Variants in GALNTL6 observed in about 807,000 individuals in gnomAD.
GALNTL6 encodes polypeptide N-acetylgalactosaminyltransferase-like 6.
GALNTL6 carries 46 observed loss-of-function variants against 73.7 expected under a neutral mutation model. That is an observed-to-expected ratio of 0.62 (90% confidence interval 0.49 to 0.80). The LOEUF (loss-of-function observed/expected upper bound fraction) is 0.80. Among genes scored for constraint, GALNTL6 ranks in the 30% least tolerant of loss-of-function variants. The probability of loss-of-function intolerance (pLI) is 0.00; values close to 1 mark genes in which losing one functional copy is unlikely to be tolerated. For missense variants in GALNTL6, 604 were observed against 755.0 expected (o/e 0.80, Z 2.34); for synonymous variants, 259 against 263.7 (o/e 0.98, Z 0.17).
intron 10 of GALNTL6, among the ~76,000 whole-genome samples, chr4:172,965,070 A>G (rs151055865): frequency 2.6e-5 from 4 of 152,360 alleles, no homozygotes; most frequent in African/African-American, 7.2e-5. Flanking sequence ...GAGATGATTT[A>G]TCATTCAGAC....
intron 2 of GALNTL6, among the ~76,000 whole-genome samples, chr4:171,836,836 G>A (rs928555738): frequency 6.6e-6 from 1 of 152,072 alleles, no homozygotes; most frequent in Non-Finnish European, 1.5e-5. Flanking sequence ...TGAAGGAAAA[G>A]GAAGCTAAGT....
At chr4:172,330,465 G>A (rs1400742025) in intron 4 of GALNTL6, among the ~76,000 whole-genome samples, 3 of 152,164 alleles carry the variant, frequency 2.0e-5, no homozygotes, top group Admixed American at 6.5e-5. Context: ...TTTGCTTTCC[G>A]TGGGTTGAAT....
chr4:172,492,434 A>T (rs1026221314), intron 5 of GALNTL6, among the ~76,000 whole-genome samples: 12 of 152,154 alleles, frequency 7.9e-5, no homozygotes, highest in African/African-American at 2.4e-4. Context: ...AAGCAGTCTG[A>T]ATCCTGACAT....
intron 2 of GALNTL6, among the ~76,000 whole-genome samples, chr4:171,980,119 T>C (rs79818656): frequency 0.038 from 5,794 of 152,028 alleles, 313 homozygotes; most frequent in African/African-American, 0.11. Flanking sequence ...ATAATAATAA[T>C]AGCATTGAGG....
At chr4:171,857,950 C>G (rs1578916240) in intron 2 of GALNTL6, among the ~76,000 whole-genome samples, 2 of 152,154 alleles carry the variant, frequency 1.3e-5, no homozygotes, top group Admixed American at 1.3e-4. Context: ...ATGTTTTAAC[C>G]TGCTCAATAA....
At chr4:172,369,017 C>T (rs1334151835) in intron 5 of GALNTL6, among the ~76,000 whole-genome samples, 1 of 152,184 alleles carries the variant, frequency 6.6e-6, no homozygotes, top group Non-Finnish European at 1.5e-5. Flanking sequence ...AAAGCTTCCA[C>T]AGTGTGGAAG....
chr4:172,866,011 G>A (rs1744644542), intron 7 of GALNTL6, among the ~76,000 whole-genome samples: 1 of 152,056 alleles, frequency 6.6e-6, no homozygotes, highest in Non-Finnish European at 1.5e-5. Context: ...GACTTCTTGT[G>A]ATCCTATGTG....
At chr4:171,896,371 T>C (rs1736918164) in intron 2 of GALNTL6, among the ~76,000 whole-genome samples, 1 of 152,340 alleles carries the variant, frequency 6.6e-6, no homozygotes, top group South Asian at 2.1e-4. Flanking sequence ...TGACTGGGAA[T>C]AAATTGACCT....
At chr4:172,037,829 T>A (rs1193109336) in intron 2 of GALNTL6, among the ~76,000 whole-genome samples, 3 of 152,008 alleles carry the variant, frequency 2.0e-5, no homozygotes, top group African/African-American at 7.2e-5. Flanking sequence ...TAAAAAAAAA[T>A]TCTAGAGACC....
chr4:172,062,558 G>C lies in GALNTL6; in HGVS notation c.139-167098G>C, dbSNP rs1244931764. ...AAAGTAAGGAAATATAATGAAAGAA[G>C]GTTGGTCGTGAATTAAAGGCTATCG... On this transcript the variant is annotated intron_variant, in intron 2 of 12. Transcript: ENST00000506823. Among the ~76,000 whole-genome samples, 3 of 152,164 alleles carry C rather than the reference G, an allele frequency of 2.0e-5. No individual in the cohort carries two copies. In the East Asian group the frequency reaches 5.8e-4, roughly 29 times the overall value.
chr4:172,931,000 TA>T lies in GALNTL6; in HGVS notation c.1042-153del, dbSNP rs576216200. Among the ~76,000 whole-genome samples the T allele has an allele frequency of 2.6e-5, 4 of 152,036 alleles. No homozygotes were observed. In the East Asian group the frequency reaches 7.7e-4, roughly 29 times the overall value. ...TTTAAACTTTTATGAATCTAGGTTT[TA>T]AAAAAAAGTGGTTTTCTTTTCTGGT... On this transcript the variant is annotated intron_variant, in intron 8 of 12. Transcript: ENST00000506823.
At chr4:172,428,962 A>G (rs778929687) in intron 5 of GALNTL6, among the ~76,000 whole-genome samples, 1 of 152,066 alleles carries the variant, frequency 6.6e-6, no homozygotes, top group Admixed American at 6.6e-5. Flanking sequence ...GTTCTGGAAC[A>G]TGGGAAGTCC....
intron 2 of GALNTL6, among the ~76,000 whole-genome samples, chr4:171,907,306 C>G (rs1174908243): frequency 1.3e-5 from 2 of 152,176 alleles, no homozygotes; most frequent in Non-Finnish European, 2.9e-5. Context: ...GTCTCAGATA[C>G]AAAATCAACG....
intron 5 of GALNTL6, among the ~76,000 whole-genome samples, chr4:172,674,739 T>C (rs576511192): frequency 6.6e-6 from 1 of 152,312 alleles, no homozygotes; most frequent in Non-Finnish European, 1.5e-5. Context: ...GCTCTGAAAT[T>C]CTTTCCTCTG....
chr4:172,219,223 A>ATATATATATATATATATATATATAC (rs56923371), intron 2 of GALNTL6, among the ~76,000 whole-genome samples: 1 of 142,014 alleles, frequency 7.0e-6, no homozygotes, highest in Non-Finnish European at 1.5e-5. Context: ...ATATATATAT[A>ATATATATATATATATATATATATAC]ATCCTTCTGT....
At chr4:172,084,555 C>T (rs923413631) in intron 2 of GALNTL6, among the ~76,000 whole-genome samples, 2 of 152,142 alleles carry the variant, frequency 1.3e-5, no homozygotes, top group Non-Finnish European at 1.5e-5. Context: ...CTGCTCTTGA[C>T]GGAAGAGGTC....
intron 2 of GALNTL6, among the ~76,000 whole-genome samples, chr4:171,975,219 A>G (rs994184262): frequency 2.0e-5 from 3 of 152,204 alleles, no homozygotes; most frequent in Non-Finnish European, 4.4e-5. Flanking sequence ...AAGAGTAATA[A>G]GTAATTTTCT....
chr4:171,975,606 G>T (rs903088025), intron 2 of GALNTL6, among the ~76,000 whole-genome samples: 7 of 152,006 alleles, frequency 4.6e-5, no homozygotes, highest in African/African-American at 1.7e-4. Context: ...AAAAGCAAAA[G>T]AAAGTCATAC....
chr4:172,797,433 C>A (rs1021350381), intron 5 of GALNTL6, among the ~76,000 whole-genome samples: 4 of 151,964 alleles, frequency 2.6e-5, no homozygotes, highest in African/African-American at 9.7e-5. Context: ...TTAGTAGAGA[C>A]AGGGTTTCAC....
Sources: allele counts gnomAD v4.1 joint callset (sites outside exome capture counted in the v4.1 genomes callset), GRCh38; gene constraint gnomAD v4.1.1; transcripts MANE v1.5; gene names NCBI Gene and HGNC (gene_info 2026-07-23, HGNC 2026-07-21).